ARX: variants seen among roughly 807,000 people sequenced by gnomAD.
ARX encodes the protein aristaless related homeobox, also known as homeobox protein ARX.
A neutral mutation model predicts 23.1 loss-of-function variants in ARX; 1 was observed. That is an observed-to-expected ratio of 0.04 (90% CI 0.02 to 0.21). The LOEUF is 0.21. Ranked by LOEUF, ARX falls within the 10% of genes least tolerant of loss-of-function variation. The pLI is 1.00. For synonymous variants in ARX, 301 were observed against 270.1 expected (o/e 1.11, Z -1.12); for missense variants, 380 against 527.5 (o/e 0.72, Z 2.74).
chrX:25,015,564 G>C lies in ARX; in HGVS notation c.174C>G (p.Ala58=). 8.3e-7 allele frequency: 1 copy of C among 1,210,603 alleles called. No individual in the cohort carries two copies. Among genetic ancestry groups the C allele is most frequent in the Non-Finnish European group, 1.1e-6 (1 of 895,006 alleles). The part of the protein sequence containing the change: ...QSLPAPLTSR[A]DPEKAVQGSP... ...TACCTTGCACGGCCTTTTCCGGGTC[G>C]GCGCGGCTGGTCAGCGGAGCAGGCA... The change falls in exon 1 of 5, where the codon GCC becomes GCG. Residue 58 remains alanine, a synonymous_variant. Transcript: ENST00000379044.
At chrX:25,009,104 T>C (rs1238080020) in intron 3 of ARX, among the ~76,000 whole-genome samples, 1 of 111,746 alleles carries the variant, frequency 8.9e-6, no homozygotes, top group Non-Finnish European at 1.9e-5. Flanking sequence ...GGACTCAGAA[T>C]GCCCTCAAAG....
chrX:25,004,462 G>A lies in ARX; in HGVS notation c.*208C>T. 1.7e-6 allele frequency: 1 copy of A among 581,429 alleles called. No homozygotes were observed. Among genetic ancestry groups the A allele is most frequent in the Non-Finnish European group, 2.7e-6 (1 of 374,878 alleles). The allele number at this position is 581,429 out of a possible 1,213,427, so 47.9% of individuals were successfully genotyped here. A position where few individuals can be genotyped will look rare whatever the true frequency, so the allele number is the denominator to read the frequency against. ...GTTGGCAGTAGCAGGGGCAGGGGCA[G>A]GGGCGGGTGGACAGCCAGCCGAGGA... On this transcript the variant is annotated 3_prime_UTR_variant, in exon 5 of 5. Transcript: ENST00000379044.
At chrX:25,007,493 G>C in intron 3 of ARX, 54 bp from the exon 4 acceptor site, 1 of 1,129,127 alleles carries the variant, frequency 8.9e-7, no homozygotes, top group Non-Finnish European at 1.2e-6. Context: ...CGGGCGCACC[G>C]GGCCCCTACC....
intron 3 of ARX, 57 bp from the exon 4 acceptor site, chrX:25,007,496 C>T: frequency 8.9e-7 from 1 of 1,123,863 alleles, no homozygotes; most frequent in South Asian, 2.0e-5. Flanking sequence ...GCGCACCGGG[C>T]CCCTACCCGT....
rs1057522488 is a variant in ARX at position 25,013,363 on chromosome X, G to C, written c.632C>G (p.Pro211Arg). Residue 211 changes from proline (P) to arginine (R), a missense_variant, in exon 2 of 5, where the codon CCG becomes CGG. Pro to Arg is a moderately radical substitution (Grantham distance 103). This residue lies in a region of ARX where 235 missense variants were observed against 270.2 expected (regional missense o/e 0.87). Coordinates refer to ENST00000379044, the MANE Select transcript of ARX (RefSeq NM_139058.3). ...ACCACCCGCAGCCGGGGCGCTGCCCGGGCCGCCGGCCACGCCGAGGCGCTC... is the reference window on the plus strand; with the variant it reads ...ACCACCCGCAGCCGGGGCGCTGCCCCGGCCGCCGGCCACGCCGAGGCGCTC... ...PEERLGVAGG[P>R]GSAPAAGGGT... The C allele has an allele frequency of 5.2e-6, 6 of 1,143,063 alleles. No individual in the cohort carries two copies. The highest frequency in any genetic ancestry group is 2.0e-5 in the South Asian group (1 of 51,058). The allele number at this position is 1,143,063 out of a possible 1,213,427, so 94.2% of individuals were successfully genotyped here.
Position 25,003,989 on chromosome X carries a change from T to TC in ARX, c.*680_*681insG, listed in dbSNP as rs1206108350. On this transcript the variant is annotated 3_prime_UTR_variant, in exon 5 of 5. Transcript: ENST00000379044. ...TTCAAATATACAAAGCTCTGTTCTT[T>TC]TTTTTTTTTTTTTAATAACAATGGT... 9.4e-6 allele frequency: 1 copy of TC among 106,677 alleles called. No individual in the cohort carries two copies. The highest frequency in any genetic ancestry group is 3.3e-5 in the African/African-American group (1 of 29,877). The allele number at this position is 106,677 out of a possible 1,213,427, so 8.8% of individuals were successfully genotyped here.
chrX:25,011,009 T>C (rs1291338577), intron 2 of ARX, among the ~76,000 whole-genome samples: 1 of 112,075 alleles, frequency 8.9e-6, no homozygotes, highest in Admixed American at 9.4e-5. Flanking sequence ...TCAATTTAAC[T>C]GAAACCCTAC....
chrX:25,011,795 G>T (rs1203295951), intron 2 of ARX, among the ~76,000 whole-genome samples: 1 of 112,790 alleles, frequency 8.9e-6, no homozygotes, highest in Non-Finnish European at 1.9e-5. Flanking sequence ...TCAAAGGGGC[G>T]GGCAGCATTC....
At chrX:25,005,037 C>G in intron 4 of ARX, 127 bp from the exon 5 acceptor site, 1 of 949,458 alleles carries the variant, frequency 1.1e-6, no homozygotes, top group Non-Finnish European at 1.4e-6. Flanking sequence ...GGATGGGCCG[C>G]GGCGGGGAAG....
rs2048664391 is a variant in ARX at position 25,003,709 on chromosome X, A to G, written c.*961T>C. The G allele has an allele frequency of 9.0e-6, 1 of 111,668 alleles. No individual in the cohort carries two copies. 9.2% of individuals were successfully genotyped at this position (111,668 alleles called of 1,213,427 possible). On this transcript the variant is annotated 3_prime_UTR_variant, in exon 5 of 5. Transcript: ENST00000379044. Reference sequence around the variant, plus strand: ...TCACACTTCGTTTTGTTAAACATATAATTTTTTTATTTTGAGCGTGACACT... The same window carrying G: ...TCACACTTCGTTTTGTTAAACATATGATTTTTTTATTTTGAGCGTGACACT...
chrX:25,010,195 A>ATC (rs1434251734), intron 3 of ARX, 65 bp downstream of exon 3: 5 of 294,971 alleles, frequency 1.7e-5, no homozygotes, highest in Non-Finnish European at 2.7e-5. Context: ...CCACCAACCC[A>ATC]TCTCTCTCTC....
In ARX at chrX:25,015,944, G is replaced by C. The variant is rs958355469; in HGVS notation, c.-207C>G. ...CCGAGCTCGCCCTCTCCGCGCTCAG[G>C]ACAAGCGGTAACAAGTGTAGTGAGC... On this transcript the variant is annotated 5_prime_UTR_variant, in exon 1 of 5. Coordinates refer to ENST00000379044, the MANE Select transcript of ARX (RefSeq NM_139058.3). The C allele has an allele frequency of 8.8e-6, 4 of 456,057 alleles. No homozygotes were observed. In the East Asian group the frequency reaches 1.5e-4, roughly 17 times the overall value. The allele number at this position is 456,057 out of a possible 1,213,427, so 37.6% of individuals were successfully genotyped here.
chrX:25,004,318 G>A lies in ARX; in HGVS notation c.*352C>T. On this transcript the variant is annotated 3_prime_UTR_variant, in exon 5 of 5. Transcript: ENST00000379044. ...AGAAAGGCTAAGTGGGGTGTCAGGA[G>A]GAAGAGGTTGGGCTTTTTAAATTTT... 1 of 206,696 alleles carries A rather than the reference G, an allele frequency of 4.8e-6. No individual in the cohort carries two copies. Among genetic ancestry groups the A allele is most frequent in the Non-Finnish European group, 8.7e-6 (1 of 114,477 alleles). The allele number at this position is 206,696 out of a possible 1,213,427, so 17.0% of individuals were successfully genotyped here. A position where few individuals can be genotyped will look rare whatever the true frequency, so the allele number is the denominator to read the frequency against.
At chrX:25,009,822 C>T (rs1263764179) in intron 3 of ARX, among the ~76,000 whole-genome samples, 1 of 111,894 alleles carries the variant, frequency 8.9e-6, no homozygotes, top group African/African-American at 3.3e-5. Flanking sequence ...ACTAAGTGGG[C>T]TTTTATGAAG....
chrX:25,009,216 G>T (rs2048691629), intron 3 of ARX, among the ~76,000 whole-genome samples: 1 of 111,650 alleles, frequency 9.0e-6, no homozygotes, highest in Non-Finnish European at 1.9e-5. Context: ...TACCTCTGAG[G>T]CCCCCCAAAG....
At chrX:25,010,400 GGT>G (rs1398215704) in intron 2 of ARX, 95 bp from the exon 3 acceptor site, 1 of 1,035,892 alleles carries the variant, frequency 9.7e-7, no homozygotes, top group Non-Finnish European at 1.3e-6. Flanking sequence ...ACTCCACCAG[GGT>G]CTCCCCTGGC....
At chrX:25,012,870 G>A in intron 2 of ARX, 52 bp downstream of exon 2, 1 of 1,179,602 alleles carries the variant, frequency 8.5e-7, no homozygotes, top group Non-Finnish European at 1.1e-6. Flanking sequence ...TCCCTCCCTG[G>A]GGCCCGCGTG....
rs1029263974 is a variant in ARX, at chrX:25,015,952, G to A, written c.-215C>T. On this transcript the variant is annotated 5_prime_UTR_variant, in exon 1 of 5. Coordinates refer to ENST00000379044, the MANE Select transcript of ARX (RefSeq NM_139058.3). ...GCCCTCTCCGCGCTCAGGACAAGCGGTAACAAGTGTAGTGAGCAGCGGGCG... is the reference window on the plus strand; with the variant it reads ...GCCCTCTCCGCGCTCAGGACAAGCGATAACAAGTGTAGTGAGCAGCGGGCG... 3 of 446,699 alleles carry A rather than the reference G, an allele frequency of 6.7e-6. No homozygotes were observed. In the East Asian group the frequency reaches 1.1e-4, roughly 17 times the overall value. The allele number at this position is 446,699 out of a possible 1,213,427, so 36.8% of individuals were successfully genotyped here.
rs373745386 is a variant in ARX at position 25,003,727 on chromosome X, G to C, written c.*943C>G. On this transcript the variant is annotated 3_prime_UTR_variant, in exon 5 of 5. Transcript: ENST00000379044. ...AACATATAATTTTTTTATTTTGAGC[G>C]TGACACTTCTCCACTAGATAGCAAG... 1 of 111,784 alleles carries C rather than the reference G, an allele frequency of 8.9e-6. No individual in the cohort carries two copies. The highest frequency in any genetic ancestry group is 1.9e-5 in the Non-Finnish European group (1 of 53,180). 9.2% of individuals were successfully genotyped at this position (111,784 alleles called of 1,213,427 possible). A position where few individuals can be genotyped will look rare whatever the true frequency, so the allele number is the denominator to read the frequency against.
Sources: gnomAD v4.1 joint callset for allele counts (sites outside exome capture counted in the v4.1 genomes callset) on GRCh38, gnomAD v4.1.1 for gene constraint, gnomAD v4.1.1 regional missense constraint, MANE v1.5 for transcripts, NCBI Gene and HGNC (gene_info 2026-07-23, HGNC 2026-07-21) for gene names.